TRIM46: variants seen among roughly 807,000 people sequenced by gnomAD.
The protein encoded by TRIM46 is tripartite motif-containing protein 46.
Under a neutral mutation model 69.7 loss-of-function variants are expected in TRIM46, and 17 were observed. That is an observed-to-expected ratio of 0.24 (90% CI 0.17 to 0.37). The LOEUF is 0.37. TRIM46 is among the 10% of genes least tolerant of loss of function. The probability of loss-of-function intolerance (pLI) is 1.00; values close to 1 mark genes in which losing one functional copy is unlikely to be tolerated. For synonymous variants in TRIM46, 391 were observed against 429.0 expected (o/e 0.91, Z 1.09); for missense variants, 675 against 1,025.1 (o/e 0.66, Z 4.66).
At chr1:155,182,177 G>A (rs1666215751) in intron 9 of TRIM46, 28 bp downstream of exon 9, 3 of 1,606,168 alleles carry the variant, frequency 1.9e-6, no homozygotes, top group African/African-American at 2.7e-5. Context: ...GGGATGGGGT[G>A]TGGGGGTCCT....
chr1:155,183,541 A>G (rs976816619), intron 9 of TRIM46, among the ~76,000 whole-genome samples: 24 of 152,024 alleles, frequency 1.6e-4, no homozygotes, highest in Non-Finnish European at 2.8e-4. Flanking sequence ...CGCGGGCTAT[A>G]CCAATGCCAT....
rs769367783 is a variant in TRIM46, at chr1:155,173,950, G to A, written c.-17G>A. The A allele has an allele frequency of 1.3e-6, 2 of 1,571,352 alleles. No homozygotes were observed. The highest frequency in any genetic ancestry group is 1.2e-5 in the South Asian group (1 of 85,830). ...GCCGGGATCGGGCACCCAGGGGCGG[G>A]CGGGCACGGTAGGGCCATGGCAGAG... On this transcript the variant is annotated 5_prime_UTR_variant, in exon 1 of 10. Coordinates refer to ENST00000334634, the MANE Select transcript of TRIM46 (RefSeq NM_025058.5).
chr1:155,181,768 C>G lies in TRIM46; in HGVS notation c.1589-84C>G. The G allele has an allele frequency of 6.8e-7, 1 of 1,481,288 alleles. No homozygotes were observed. The highest frequency in any genetic ancestry group is 9.2e-7 in the Non-Finnish European group (1 of 1,089,136). 91.8% of individuals were successfully genotyped at this position (1,481,288 alleles called of 1,614,324 possible). On this transcript the variant is annotated intron_variant, in intron 8 of 9. Transcript: ENST00000334634. This position sits in a 1 kb window ranked among gnomAD's most constrained non-coding sequence, Gnocchi z 4.3. ...TGACTGAACCCCCTTGCAACGCGTT[C>G]CCTGTTCTGCAGTCTCACAGCCCCC... is the stretch of plus-strand genomic sequence containing the variant.
intron 8 of TRIM46, 99 bp downstream of exon 8, chr1:155,180,033 A>C: frequency 7.7e-7 from 1 of 1,291,058 alleles, no homozygotes; most frequent in Non-Finnish European, 1.0e-6. Flanking sequence ...AGGCCATATA[A>C]CATAGTAGGT....
rs1420820184 is a variant in TRIM46 at position 155,175,195 on chromosome 1, G to T, written c.64-191G>T. 2.1e-6 allele frequency: 3 copies of T among 1,457,656 alleles called. No individual in the cohort carries two copies. The highest frequency in any genetic ancestry group is 5.4e-5 in the Admixed American group (2 of 37,064). The allele number at this position is 1,457,656 out of a possible 1,614,324, so 90.3% of individuals were successfully genotyped here. On this transcript the variant is annotated intron_variant, in intron 1 of 9. Coordinates refer to ENST00000334634, the MANE Select transcript of TRIM46 (RefSeq NM_025058.5). The surrounding 1 kb of genome is among the most constrained non-coding windows in gnomAD (Gnocchi z 4.2). ...TCCTCTGGGCCTTTAGCTCTGCAGC[G>T]GGGAAAGAGAAGCAAGGGACAGAGG...
chr1:155,175,152 A>ACCT lies in TRIM46; in HGVS notation c.64-233_64-232insCTC, dbSNP rs1361788068. The ACCT allele has an allele frequency of 7.2e-7, 1 of 1,392,866 alleles. No homozygotes were observed. The highest frequency in any genetic ancestry group is 9.3e-7 in the Non-Finnish European group (1 of 1,078,764). The allele number at this position is 1,392,866 out of a possible 1,614,324, so 86.3% of individuals were successfully genotyped here. A position where few individuals can be genotyped will look rare whatever the true frequency, so the allele number is the denominator to read the frequency against. On this transcript the variant is annotated intron_variant, in intron 1 of 9. Transcript: ENST00000334634. This position sits in a 1 kb window ranked among gnomAD's most constrained non-coding sequence, Gnocchi z 4.2. Reference sequence around the variant, plus strand: ...GATTGGGCTTGAGGCTGGAGCAGGCACAAGCTCCAACCGTCCCTCCTCTGG... The same window carrying ACCT: ...GATTGGGCTTGAGGCTGGAGCAGGCACCTCAAGCTCCAACCGTCCCTCCTCTGG...
chr1:155,175,165 G>T lies in TRIM46; in HGVS notation c.64-221G>T, dbSNP rs1665538862. The T allele has an allele frequency of 7.1e-7, 1 of 1,408,388 alleles. No individual in the cohort carries two copies. The highest frequency in any genetic ancestry group is 9.2e-7 in the Non-Finnish European group (1 of 1,089,626). The allele number at this position is 1,408,388 out of a possible 1,614,324, so 87.2% of individuals were successfully genotyped here. On this transcript the variant is annotated intron_variant, in intron 1 of 9. Coordinates refer to ENST00000334634, the MANE Select transcript of TRIM46 (RefSeq NM_025058.5). The surrounding 1 kb of genome is among the most constrained non-coding windows in gnomAD (Gnocchi z 4.2). Reference sequence around the variant, plus strand: ...GCTGGAGCAGGCACAAGCTCCAACCGTCCCTCCTCTGGGCCTTTAGCTCTG... The same window carrying T: ...GCTGGAGCAGGCACAAGCTCCAACCTTCCCTCCTCTGGGCCTTTAGCTCTG...
chr1:155,174,218 G>A (rs1037581096), intron 1 of TRIM46, among the ~76,000 whole-genome samples, 189 bp downstream of exon 1: 5 of 152,246 alleles, frequency 3.3e-5, no homozygotes, highest in African/African-American at 9.6e-5. Context: ...GGAGGTGAGT[G>A]CCGTGAAGGC....
chr1:155,180,269 C>T (rs1047758648), intron 8 of TRIM46, among the ~76,000 whole-genome samples: 1 of 152,082 alleles, frequency 6.6e-6, no homozygotes, highest in African/African-American at 2.4e-5. Context: ...GAGTTCAAGA[C>T]CAACCTGGCC....
rs1428492433 is a variant in TRIM46, at chr1:155,184,201, C to A, written c.*11C>A. The A allele has an allele frequency of 6.9e-6, 11 of 1,587,756 alleles. No individual in the cohort carries two copies. Among genetic ancestry groups the A allele is most frequent in the Non-Finnish European group, 9.4e-6 (11 of 1,166,532 alleles). Reference sequence around the variant, plus strand: ...GCCAAGCTGGACTGAGCCTTCCAGGCCCCTCATGCAGACCTGGGGTCCTCC... The same window carrying A: ...GCCAAGCTGGACTGAGCCTTCCAGGACCCTCATGCAGACCTGGGGTCCTCC... On this transcript the variant is annotated 3_prime_UTR_variant, in exon 10 of 10. Transcript: ENST00000334634. This position sits in a 1 kb window ranked among gnomAD's most constrained non-coding sequence, Gnocchi z 5.6.
chr1:155,174,720 G>A lies in TRIM46; in HGVS notation c.64-666G>A, dbSNP rs2147775479. 22 of 1,450,702 alleles carry A rather than the reference G, an allele frequency of 1.5e-5. 1 individual carries two copies. In the South Asian group the frequency reaches 2.3e-4, roughly 15 times the overall value. The allele number at this position is 1,450,702 out of a possible 1,614,324, so 89.9% of individuals were successfully genotyped here. ...GGGGGAGGGGACTTCCGGTGGGGAG[G>A]GGGCGAGTAGGCGGGGCTCTTGATT... On this transcript the variant is annotated intron_variant, in intron 1 of 9. Transcript: ENST00000334634.
At position 155,184,218 on chromosome 1, in the gene TRIM46, G is replaced by C; in HGVS notation, c.*28G>C. ...CTTCCAGGCCCCTCATGCAGACCTG[G>C]GGTCCTCCTGGGCCCTGGCCCCCAA... On this transcript the variant is annotated 3_prime_UTR_variant, in exon 10 of 10. Coordinates refer to ENST00000334634, the MANE Select transcript of TRIM46 (RefSeq NM_025058.5). The surrounding 1 kb of genome is among the most constrained non-coding windows in gnomAD (Gnocchi z 5.6). 6.4e-7 allele frequency: 1 copy of C among 1,552,908 alleles called. No homozygotes were observed. Among genetic ancestry groups the C allele is most frequent in the Non-Finnish European group, 8.7e-7 (1 of 1,151,260 alleles).
intron 1 of TRIM46, chr1:155,174,772 C>G: frequency 6.8e-7 from 1 of 1,462,186 alleles, no homozygotes; most frequent in Non-Finnish European, 9.0e-7. Context: ...GAAGGGGGTG[C>G]CGCTGACCGG....
intron 8 of TRIM46, 132 bp downstream of exon 8, chr1:155,180,066 CT>C: frequency 9.2e-7 from 1 of 1,085,090 alleles, no homozygotes; most frequent in African/African-American, 1.6e-5. Context: ...AGCTCTGGAG[CT>C]AGACTGCTTG....
At chr1:155,174,289 G>T (rs1047356405) in intron 1 of TRIM46, among the ~76,000 whole-genome samples, 3 of 152,142 alleles carry the variant, frequency 2.0e-5, no homozygotes, top group South Asian at 2.1e-4. Flanking sequence ...GGTGGGCTGG[G>T]GTGGCCTCCA....
At chr1:155,174,658 G>A (rs1399161753) in intron 1 of TRIM46, 1 of 1,499,930 alleles carries the variant, frequency 6.7e-7, no homozygotes, top group Non-Finnish European at 8.9e-7. Flanking sequence ...TGTGGGGGTG[G>A]GGCATAGCCT....
Position 155,178,414 on chromosome 1 carries a change from G to A in TRIM46, c.1164-78G>A. On this transcript the variant is annotated intron_variant, in intron 6 of 9. Transcript: ENST00000334634. ...TCCCAAAGCAGTTCCCAAGGCTCTA[G>A]GGGCAAGCAAGACAGAATTGAGGGG... 3.7e-6 allele frequency: 6 copies of A among 1,602,534 alleles called. No homozygotes were observed. In the South Asian group the frequency reaches 6.6e-5, roughly 18 times the overall value.
rs1165284121 is a variant in TRIM46, at chr1:155,177,229, G to A, written c.848G>A (p.Gly283Glu). Residue 283 changes from glycine (G) to glutamate (E), a missense_variant, in exon 5 of 10, where the codon GGA (glycine) becomes GAA (glutamate). Coordinates refer to ENST00000334634, the MANE Select transcript of TRIM46 (RefSeq NM_025058.5). The stretch of plus-strand genomic sequence containing the variant: ...ACAAAGAGCCTGACATACATCCTGG[G>A]AAACCAGGACACGGTACAGACCCAG... ...KLTKSLTYIL[G>E]NQDTVQTQIC... is the part of the protein sequence containing the mutation. 1.9e-6 allele frequency: 3 copies of A among 1,614,164 alleles called. No homozygotes were observed. The highest frequency in any genetic ancestry group is 2.5e-6 in the Non-Finnish European group (3 of 1,180,032).
At position 155,176,204 on chromosome 1, in the gene TRIM46, C is replaced by T. The variant is rs1257010359; in HGVS notation, c.642C>T (p.Thr214=). ...WGTQKAQHEP[T]LPTLSFRPKG... ...CCCAGAAGGCCCAGCATGAGCCCACCCTGCCTACCCTCTCCTTCCGACCCA... is the reference window on the plus strand; with the variant it reads ...CCCAGAAGGCCCAGCATGAGCCCACTCTGCCTACCCTCTCCTTCCGACCCA... Residue 214 remains threonine, a synonymous_variant, in exon 3 of 10, where the codon ACC becomes ACT. Transcript: ENST00000334634. 2 of 1,608,086 alleles carry T rather than the reference C, an allele frequency of 1.2e-6. No homozygotes were observed. The highest frequency in any genetic ancestry group is 2.2e-5 in the East Asian group (1 of 44,838).
Sources: gnomAD v4.1 joint callset for allele counts (sites outside exome capture counted in the v4.1 genomes callset) on GRCh38, gnomAD v4.1.1 for gene constraint, Gnocchi (gnomAD v3.1) non-coding constraint, MANE v1.5 for transcripts, NCBI Gene and HGNC (gene_info 2026-07-23, HGNC 2026-07-21) for gene names.